Variants in PEMT observed in about 807,000 individuals in gnomAD.
PEMT encodes the protein phospholipid methyltransferase.
A neutral mutation model predicts 27.4 loss-of-function variants in PEMT; 23 were observed. The observed-to-expected ratio is 0.84, with a 90% CI of 0.60 to 1.19. The LOEUF is 1.19. PEMT is among the 50% of genes most tolerant of loss of function. The probability of loss-of-function intolerance (pLI) is 0.00; values close to 1 mark genes in which losing one functional copy is unlikely to be tolerated. For synonymous variants in PEMT, 137 were observed against 139.1 expected (o/e 0.98, Z 0.11); for missense variants, 307 against 310.1 (o/e 0.99, Z 0.07).
Position 17,512,713 on chromosome 17 carries a change from GA to G in PEMT, c.321-60del. 7.0e-7 allele frequency: 1 copy of G among 1,428,140 alleles called. No individual in the cohort carries two copies. The highest frequency in any genetic ancestry group is 9.3e-7 in the Non-Finnish European group (1 of 1,077,520). The allele number at this position is 1,428,140 out of a possible 1,614,324, so 88.5% of individuals were successfully genotyped here. ...GGCCAGGGAGGATGTCACAGCCCGGGAGGAGGCCGACCTCATCTTCTCGCCC... is the reference window on the plus strand; with the variant it reads ...GGCCAGGGAGGATGTCACAGCCCGGGGGAGGCCGACCTCATCTTCTCGCCC... On this transcript the variant is annotated intron_variant, in intron 3 of 6. Transcript: ENST00000255389. The surrounding 1 kb of genome is among the most constrained non-coding windows in gnomAD (Gnocchi z 6.3).
intron 1 of PEMT, among the ~76,000 whole-genome samples, chr17:17,581,673 A>C (rs1911984499): frequency 6.6e-6 from 1 of 152,218 alleles, no homozygotes; most frequent in Non-Finnish European, 1.5e-5. Context: ...TGAACTGGTC[A>C]AAGCTGGAAC....
At chr17:17,569,926 G>A (rs1911073931) in intron 2 of PEMT, among the ~76,000 whole-genome samples, 1 of 152,162 alleles carries the variant, frequency 6.6e-6, no homozygotes, top group African/African-American at 2.4e-5. Context: ...TCACTGGGAT[G>A]CCAGGAATCG....
chr17:17,538,797 C>T (rs1013260748), intron 2 of PEMT, among the ~76,000 whole-genome samples: 3 of 152,280 alleles, frequency 2.0e-5, no homozygotes, highest in East Asian at 1.9e-4. Context: ...AAGCGTGATC[C>T]GCCTTCTTGG....
chr17:17,566,922 C>G (rs1910865110), intron 2 of PEMT, among the ~76,000 whole-genome samples: 1 of 152,228 alleles, frequency 6.6e-6, no homozygotes, highest in African/African-American at 2.4e-5. Context: ...GGGTCCCCTG[C>G]CTCCTCTCCT....
chr17:17,572,146 G>C (rs1911250023), intron 2 of PEMT, among the ~76,000 whole-genome samples: 1 of 152,198 alleles, frequency 6.6e-6, no homozygotes, highest in Non-Finnish European at 1.5e-5. Flanking sequence ...CCATGGGCTG[G>C]CCAAGCCACC....
intron 2 of PEMT, among the ~76,000 whole-genome samples, chr17:17,531,816 T>C (rs1274526732): frequency 2.6e-5 from 4 of 152,072 alleles, no homozygotes; most frequent in Non-Finnish European, 5.9e-5. Context: ...TTGGATTATA[T>C]GATGATTTCT....
Position 17,506,319 on chromosome 17 carries a change from G to A in PEMT, c.579-18C>T, listed in dbSNP as rs1905841917. The A allele has an allele frequency of 1.3e-6, 2 of 1,550,962 alleles. No individual in the cohort carries two copies. On this transcript the variant is annotated intron_variant, in intron 5 of 6. Transcript: ENST00000255389. ...TGGCGTGCCTGAAAGGACAGAGGCA[G>A]GTCAGGCCTGGCTGGAGCCAGGGTC... is the stretch of plus-strand genomic sequence containing the variant.
chr17:17,510,684 A>G (rs1345367387), intron 4 of PEMT, among the ~76,000 whole-genome samples: 3 of 152,196 alleles, frequency 2.0e-5, no homozygotes, highest in African/African-American at 4.8e-5. Flanking sequence ...TTTCTAGGCC[A>G]TGTCTGCTGG....
At chr17:17,584,351 G>A (rs2142759118) in intron 1 of PEMT, among the ~76,000 whole-genome samples, 1 of 152,312 alleles carries the variant, frequency 6.6e-6, no homozygotes, top group South Asian at 2.1e-4. Context: ...AGTAGAGACA[G>A]GGTTTCACCG....
intron 2 of PEMT, among the ~76,000 whole-genome samples, chr17:17,543,958 G>C (rs955584922): frequency 5.9e-5 from 9 of 152,214 alleles, no homozygotes; most frequent in Non-Finnish European, 8.8e-5. Flanking sequence ...CATGTGGGAG[G>C]AGAGAACTCC....
Position 17,513,421 on chromosome 17 carries a change from AC to A in PEMT, c.321-768del, listed in dbSNP as rs1906567225. On this transcript the variant is annotated intron_variant, in intron 3 of 6. Coordinates refer to ENST00000255389, the MANE Select transcript of PEMT (RefSeq NM_148172.3). The surrounding 1 kb of genome is among the most constrained non-coding windows in gnomAD (Gnocchi z 4.1). ...AGACCAGCCTGGCCAACATGGTGAAACCCTGTCTCTACCCAAAATACAAAAA... is the reference window on the plus strand; with the variant it reads ...AGACCAGCCTGGCCAACATGGTGAAACCTGTCTCTACCCAAAATACAAAAA... Among the ~76,000 whole-genome samples, 1 of 152,022 alleles carries A rather than the reference AC, an allele frequency of 6.6e-6. No individual in the cohort carries two copies. Among genetic ancestry groups the A allele is most frequent in the African/African-American group, 2.4e-5 (1 of 41,362 alleles).
chr17:17,539,492 G>T (rs1373248849), intron 2 of PEMT, among the ~76,000 whole-genome samples: 1 of 152,228 alleles, frequency 6.6e-6, no homozygotes, highest in African/African-American at 2.4e-5. Flanking sequence ...CCTCTGCGAT[G>T]CGCCCAGGGT....
At position 17,584,253 on chromosome 17, in the gene PEMT, G is replaced by A. The variant is rs572766505; in HGVS notation, c.97-7226C>T. 1.6e-4 allele frequency among the ~76,000 whole-genome samples: 25 copies of A among 152,158 alleles called. No individual in the cohort carries two copies. In the East Asian group the frequency reaches 1.9e-3, roughly 12 times the overall value. On this transcript the variant is annotated intron_variant, in intron 1 of 6. Transcript: ENST00000255389. ...CTGCTCACTGCAAGCTCCACCTCCCGGGTTCACGCCATTCTCCTGCCTCAG... is the reference window on the plus strand; with the variant it reads ...CTGCTCACTGCAAGCTCCACCTCCCAGGTTCACGCCATTCTCCTGCCTCAG...
intron 3 of PEMT, chr17:17,519,111 C>A (rs528788716): frequency 1.3e-5 from 2 of 152,286 alleles, no homozygotes; most frequent in Admixed American, 1.3e-4. Flanking sequence ...AGGGTCCTGT[C>A]AGAGCCTGGC....
chr17:17,555,451 T>C (rs1171615769), intron 2 of PEMT, among the ~76,000 whole-genome samples: 1 of 152,138 alleles, frequency 6.6e-6, no homozygotes, highest in African/African-American at 2.4e-5. Flanking sequence ...ACCTCAACAG[T>C]TTCCCCTGCA....
In PEMT at chr17:17,586,579, G is replaced by C. The variant is rs537825140; in HGVS notation, c.96+4952C>G. ...CAAATGGGAAGTCTTGGGAAATCTA[G>C]AAACATTTTGAACTGAATGAAAATG... On this transcript the variant is annotated intron_variant, in intron 1 of 6. Coordinates refer to ENST00000255389, the MANE Select transcript of PEMT (RefSeq NM_148172.3). 7.0e-4 allele frequency among the ~76,000 whole-genome samples: 106 copies of C among 152,320 alleles called. 1 individual carries two copies. The highest frequency in any genetic ancestry group is 2.5e-3 in the African/African-American group (102 of 41,570).
chr17:17,545,590 G>A (rs1283519867), intron 2 of PEMT, among the ~76,000 whole-genome samples: 1 of 152,204 alleles, frequency 6.6e-6, no homozygotes, highest in African/African-American at 2.4e-5. Flanking sequence ...CACCAGAGAC[G>A]GCCTCCTCTG....
At chr17:17,570,530 G>A in intron 2 of PEMT, 1 of 985,392 alleles carries the variant, frequency 1.0e-6, no homozygotes, top group Non-Finnish European at 1.2e-6. Flanking sequence ...AGAGGGCAGG[G>A]TGAGGAGGCA....
At position 17,561,155 on chromosome 17, in the gene PEMT, G is replaced by A. The variant is rs139697516; in HGVS notation, c.204+15765C>T. Among the ~76,000 whole-genome samples, 679 of 152,188 alleles carry A rather than the reference G, an allele frequency of 4.5e-3. 1 individual carries two copies. Among genetic ancestry groups the A allele is most frequent in the Non-Finnish European group, 7.0e-3 (479 of 68,018 alleles). ...AGTCATCAAACATTCACTGGGCACC[G>A]TGGGGCAGGGCCCAGAGGACAACAG... On this transcript the variant is annotated intron_variant, in intron 2 of 6. Transcript: ENST00000255389. The surrounding 1 kb of genome is among the most constrained non-coding windows in gnomAD (Gnocchi z 4.5).
Sources: allele counts gnomAD v4.1 joint callset (sites outside exome capture counted in the v4.1 genomes callset), GRCh38; gene constraint gnomAD v4.1.1; non-coding constraint Gnocchi (gnomAD v3.1); transcripts MANE v1.5; gene names NCBI Gene and HGNC (gene_info 2026-07-23, HGNC 2026-07-21).